STRIP1: variants seen among roughly 807,000 people sequenced by gnomAD.
STRIP1 encodes striatin interacting protein 1.
Under a neutral mutation model 106.2 loss-of-function variants are expected in STRIP1, and 63 were observed. The ratio of observed to expected loss-of-function variants is 0.59; its 90% CI spans 0.48 to 0.73. The LOEUF (loss-of-function observed/expected upper bound fraction) is 0.73, where lower values mean the gene tolerates loss of function less well. Among genes scored for constraint, STRIP1 ranks in the 30% least tolerant of loss-of-function variants. STRIP1 has a pLI of 0.00. For synonymous variants in STRIP1, 390 were observed against 413.0 expected (o/e 0.94, Z 0.67); for missense variants, 857 against 1,074.8 (o/e 0.80, Z 2.83).
intron 15 of STRIP1, 25 bp downstream of exon 15, chr1:110,047,894 C>T: frequency 1.3e-6 from 2 of 1,527,920 alleles, no homozygotes; most frequent in Non-Finnish European, 1.8e-6. Flanking sequence ...GTGAATGAAG[C>T]AGGTGGGGCA....
chr1:110,034,869 TCCCGGG>T, intron 1 of STRIP1, 52 bp downstream of exon 1: 1 of 1,370,536 alleles, frequency 7.3e-7, no homozygotes, highest in African/African-American at 1.5e-5. Flanking sequence ...GCGCCGGGGG[TCCCGGG>T]CCCGGGGCCA....
intron 2 of STRIP1, 86 bp downstream of exon 2, chr1:110,038,046 T>C: frequency 3.4e-6 from 2 of 581,592 alleles, no homozygotes; most frequent in Admixed American, 4.6e-5. Flanking sequence ...CATTTAGGGC[T>C]TCATTGCTTT....
chr1:110,049,728 G>A lies in STRIP1; in HGVS notation c.1889+168G>A. The A allele has an allele frequency of 5.1e-6, 3 of 590,118 alleles. No homozygotes were observed. In the East Asian group the frequency reaches 8.6e-5, roughly 17 times the overall value. 36.6% of individuals were successfully genotyped at this position (590,118 alleles called of 1,614,324 possible). A position where few individuals can be genotyped will look rare whatever the true frequency, so the allele number is the denominator to read the frequency against. On this transcript the variant is annotated intron_variant, in intron 17 of 20. Transcript: ENST00000369795. ...GGCCTCTGCCTGTGGAGAGCCCACT[G>A]TGTCAAATCTGAGTCTAGCTAGTCC...
chr1:110,050,819 G>A, intron 18 of STRIP1, 137 bp from the exon 19 acceptor site: 1 of 644,122 alleles, frequency 1.6e-6, no homozygotes. Context: ...TGGAGTCCTG[G>A]GGCTGCTCTG....
In STRIP1 at chr1:110,049,145, G is replaced by A. The variant is rs754166395; in HGVS notation, c.1695G>A (p.Val565=). 21 of 1,614,192 alleles carry A rather than the reference G, an allele frequency of 1.3e-5. No individual in the cohort carries two copies. The highest frequency in any genetic ancestry group is 1.2e-4 in the Admixed American group (7 of 60,030). The change falls in exon 16 of 21, where the codon GTG becomes GTA. Residue 565 remains valine, a synonymous_variant. Coordinates refer to ENST00000369795, the MANE Select transcript of STRIP1 (RefSeq NM_033088.4). ...TGTTGCAGAGCATGAAGCTGGGGGT[G>A]GATGTAAACCGCCACAAAGAGGTCA... The part of the protein sequence containing the change: ...TTVLQSMKLG[V]DVNRHKEVIV...
At chr1:110,050,026 T>A (rs1653216341) in intron 17 of STRIP1, 3 of 396,512 alleles carry the variant, frequency 7.6e-6, no homozygotes, top group Non-Finnish European at 1.4e-5. Flanking sequence ...TCCAGAAAGG[T>A]TTGGCATAAA....
At position 110,051,779 on chromosome 1, in the gene STRIP1, C is replaced by T; in HGVS notation, c.2158C>T (p.Gln720Ter). Residue 720 changes from glutamine to a stop codon, truncating the protein, a stop_gained, in exon 20 of 21, where the codon CAG becomes TAG. Coordinates refer to ENST00000369795, the MANE Select transcript of STRIP1 (RefSeq NM_033088.4). LOFTEE classifies it high-confidence loss of function. ...CTATGTGCTGAAGCTGCTCAAGGTA[C>T]AGACCAAATACTTGGGGCGGCAGTG... ...QLYVLKLLKVQTKYLGRQWRK... is the reference protein window; with the variant it reads ...QLYVLKLLKV 2 of 1,613,948 alleles carry T rather than the reference C, an allele frequency of 1.2e-6. No individual in the cohort carries two copies. The highest frequency in any genetic ancestry group is 1.7e-6 in the Non-Finnish European group (2 of 1,180,038).
upstream of STRIP1, among the ~76,000 whole-genome samples, chr1:110,033,421 A>G (rs1180549176): frequency 2.6e-5 from 4 of 152,138 alleles, no homozygotes; most frequent in Non-Finnish European, 5.9e-5. Flanking sequence ...GTCTTAATCC[A>G]TTTTTTGTTG....
chr1:110,034,731 C>G lies in STRIP1; in HGVS notation c.94C>G (p.Pro32Ala), dbSNP rs1652352663. 2 of 1,487,920 alleles carry G rather than the reference C, an allele frequency of 1.3e-6. No homozygotes were observed. Among genetic ancestry groups the G allele is most frequent in the African/African-American group, 1.5e-5 (1 of 67,658 alleles). 92.2% of individuals were successfully genotyped at this position (1,487,920 alleles called of 1,614,324 possible). Reference protein sequence around the residue: ...PPPPPAAAQPPPGAPRAAAGL... With the variant: ...PPPPPAAAQPAPGAPRAAAGL... ...TCCGCCGCCGGCAGCCGCACAGCCA[C>G]CACCCGGGGCACCGCGGGCCGCCGC... The change falls in exon 1 of 21, where the codon CCA (proline) becomes GCA (alanine). Residue 32 changes from proline (P) to alanine (A), a missense_variant. Pro to Ala is a conservative substitution (Grantham distance 27, BLOSUM62 -1). Coordinates refer to ENST00000369795, the MANE Select transcript of STRIP1 (RefSeq NM_033088.4).
Position 110,038,369 on chromosome 1 carries a change from T to C in STRIP1, c.251-314T>C, listed in dbSNP as rs1652597474. 1.5e-5 allele frequency: 5 copies of C among 331,256 alleles called. No individual in the cohort carries two copies. The South Asian group carries it at 1.8e-4, about 12-fold the overall frequency. 20.5% of individuals were successfully genotyped at this position (331,256 alleles called of 1,614,324 possible). The stretch of plus-strand genomic sequence containing the variant: ...TGAGCTGCTTCTCCAGCCTCTACAA[T>C]ACACATCCTGCTCAAGAGGTAGCAG... On this transcript the variant is annotated intron_variant, in intron 2 of 20. Coordinates refer to ENST00000369795, the MANE Select transcript of STRIP1 (RefSeq NM_033088.4).
chr1:110,046,535 AT>A, intron 12 of STRIP1, 144 bp from the exon 13 acceptor site: 1 of 693,700 alleles, frequency 1.4e-6, no homozygotes, highest in South Asian at 1.7e-5. Flanking sequence ...GGGGTTTGGG[AT>A]TTTAGCTAGG....
rs778838867 is a variant in STRIP1, at chr1:110,039,256, C to T, written c.410C>T (p.Ala137Val). 1.9e-5 allele frequency: 30 copies of T among 1,614,036 alleles called. No homozygotes were observed. In the Admixed American group the frequency reaches 2.8e-4, roughly 15 times the overall value. The change falls in exon 4 of 21, where the codon GCC (alanine) becomes GTC (valine). Residue 137 changes from alanine to valine, a missense_variant. Physicochemically the swap from Ala to Val is moderately conservative, Grantham distance 64. This residue lies in a region of STRIP1 where 750 missense variants were observed against 989.8 expected (regional missense o/e 0.76). Coordinates refer to ENST00000369795, the MANE Select transcript of STRIP1 (RefSeq NM_033088.4). ...CTCCTGGATGGCTTGGAAGTCACTG[C>T]CAGGGAGAAGAGACTCAAGGTGGCT... is the stretch of plus-strand genomic sequence containing the variant. ...MRLLDGLEVT[A>V]REKRLKVARA...
chr1:110,053,870 G>A lies in STRIP1; in HGVS notation c.2472G>A (p.Glu824=), dbSNP rs1242253244. 6 of 1,614,050 alleles carry A rather than the reference G, an allele frequency of 3.7e-6. No individual in the cohort carries two copies. Among genetic ancestry groups the A allele is most frequent in the Non-Finnish European group, 5.1e-6 (6 of 1,180,036 alleles). The change falls in exon 21 of 21, where the codon GAG becomes GAA. Residue 824 remains glutamate (E), a synonymous_variant. Coordinates refer to ENST00000369795, the MANE Select transcript of STRIP1 (RefSeq NM_033088.4). Reference sequence around the variant, plus strand: ...ACTATGACCTCTGGTTAGAAAGGGAGGTCTTCTCCAAGCCCATTTCCTGGG... The same window carrying A: ...ACTATGACCTCTGGTTAGAAAGGGAAGTCTTCTCCAAGCCCATTTCCTGGG... ...QMNYDLWLER[E]VFSKPISWEE... is the part of the protein sequence containing the mutation.
intron 9 of STRIP1, 109 bp downstream of exon 9, chr1:110,043,379 A>G (rs998821964): frequency 1.7e-6 from 2 of 1,194,494 alleles, no homozygotes; most frequent in Non-Finnish European, 2.4e-6. Flanking sequence ...CTGATCAGCC[A>G]GTCAGAATCA....
In STRIP1 at chr1:110,037,741, A is replaced by T. The variant is rs1652528977; in HGVS notation, c.181-150A>T. On this transcript the variant is annotated intron_variant, in intron 1 of 20. Transcript: ENST00000369795. ...AAATGCTCTGAAGGAAAAGTATAGG[A>T]TACTCTGAGAGGTTTTAGGAAACAA... is the stretch of plus-strand genomic sequence containing the variant. The T allele has an allele frequency of 1.1e-5, 6 of 549,478 alleles. No individual in the cohort carries two copies. In the Admixed American group the frequency reaches 1.7e-4, roughly 15 times the overall value. The allele number at this position is 549,478 out of a possible 1,614,324, so 34.0% of individuals were successfully genotyped here.
Position 110,034,805 on chromosome 1 carries a change from C to T in STRIP1, c.168C>T (p.Arg56=). ...CCCGCGAGTTCAACCGCAACCAGCGCAAAGACTCAGAGGTCAGGAGCTTCG... is the reference window on the plus strand; with the variant it reads ...CCCGCGAGTTCAACCGCAACCAGCGTAAAGACTCAGAGGTCAGGAGCTTCG... ...GKAREFNRNQ[R]KDSEGYSESP... is the part of the protein sequence containing the mutation. Residue 56 remains arginine, a synonymous_variant, in exon 1 of 21, where the codon CGC becomes CGT. Coordinates refer to ENST00000369795, the MANE Select transcript of STRIP1 (RefSeq NM_033088.4). The T allele has an allele frequency of 7.1e-7, 1 of 1,416,310 alleles. No homozygotes were observed. Among genetic ancestry groups the T allele is most frequent in the Non-Finnish European group, 9.2e-7 (1 of 1,090,610 alleles). 87.7% of individuals were successfully genotyped at this position (1,416,310 alleles called of 1,614,324 possible).
chr1:110,036,073 A>G (rs1484814137), intron 1 of STRIP1, among the ~76,000 whole-genome samples: 1 of 152,234 alleles, frequency 6.6e-6, no homozygotes, highest in East Asian at 1.9e-4. Context: ...ATCATTTTGA[A>G]AAATGGTTTA....
chr1:110,041,906 A>G (rs1248512884), intron 8 of STRIP1, 45 bp downstream of exon 8: 1 of 1,584,554 alleles, frequency 6.3e-7, no homozygotes, highest in Admixed American at 1.7e-5. Context: ...TGGGATGGGC[A>G]GTAGGGAGAC....
chr1:110,034,040 G>A (rs34762282), upstream of STRIP1, among the ~76,000 whole-genome samples: 49,864 of 152,114 alleles, frequency 0.33, 9,844 homozygotes, highest in Non-Finnish European at 0.45. Flanking sequence ...CTTACATAAA[G>A]TCTGCCTTAC....
Sources: allele counts gnomAD v4.1 joint callset (sites outside exome capture counted in the v4.1 genomes callset), GRCh38; gene constraint gnomAD v4.1.1; regional missense constraint gnomAD v4.1.1; transcripts MANE v1.5; gene names NCBI Gene and HGNC (gene_info 2026-07-23, HGNC 2026-07-21).